Variants in PCNA observed in about 807,000 individuals in gnomAD.
The protein encoded by PCNA is proliferating cell nuclear antigen.
A neutral mutation model predicts 27.8 loss-of-function variants in PCNA; 4 were observed. The ratio of observed to expected loss-of-function variants is 0.14; its 90% CI spans 0.07 to 0.33. The LOEUF (loss-of-function observed/expected upper bound fraction) is 0.33. Among genes scored for constraint, PCNA ranks in the 10% least tolerant of loss-of-function variants. PCNA has a pLI of 1.00. For synonymous variants in PCNA, 121 were observed against 119.4 expected (o/e 1.01, Z -0.09); for missense variants, 165 against 327.4 (o/e 0.50, Z 3.83).
upstream of PCNA, chr20:5,121,681 T>C (rs916969514): frequency 2.0e-5 from 3 of 152,170 alleles, no homozygotes; most frequent in South Asian, 2.1e-4. Flanking sequence ...CAGGCTGGAG[T>C]GCAGTGGCAA....
Position 5,119,773 on chromosome 20 carries a change from C to G in PCNA, c.26G>C (p.Gly9Ala). 1 of 1,576,450 alleles carries G rather than the reference C, an allele frequency of 6.3e-7. No individual in the cohort carries two copies. The highest frequency in any genetic ancestry group is 2.1e-4 in the Middle Eastern group (1 of 4,694). ...CTCCAACACCTTCTTGAGGATGGAG[C>G]CCTGGACCAGGCGCGCCTCGAACAT... Reference protein sequence around the residue: MFEARLVQGSILKKVLEAL... With the variant: MFEARLVQASILKKVLEAL... The change falls in exon 1 of 6, where the codon GGC (glycine) becomes GCC (alanine). Residue 9 changes from glycine (G) to alanine (A), a missense_variant. Coordinates refer to ENST00000379143, the MANE Select transcript of PCNA (RefSeq NM_182649.2).
upstream of PCNA, among the ~76,000 whole-genome samples, chr20:5,122,965 C>T (rs932146462): frequency 1.3e-5 from 2 of 152,106 alleles, no homozygotes; most frequent in Non-Finnish European, 2.9e-5. Context: ...TTATGTTAAA[C>T]TGAAATGAGG....
Position 5,119,563 on chromosome 20 carries a change from G to C in PCNA, c.221+15C>G, listed in dbSNP as rs17347. On this transcript the variant is annotated intron_variant, in intron 1 of 5. Coordinates refer to ENST00000379143, the MANE Select transcript of PCNA (RefSeq NM_182649.2). Reference sequence around the variant, plus strand: ...AGGCGGGCCGGGGCCGGCTTCCCGGGGCCGCGAGGCTCACCTGGTGAGGTT... The same window carrying C: ...AGGCGGGCCGGGGCCGGCTTCCCGGCGCCGCGAGGCTCACCTGGTGAGGTT... 0.11 allele frequency: 178,908 copies of C among 1,601,588 alleles called. 12,247 individuals carry two copies. Among genetic ancestry groups the C allele is most frequent in the African/African-American group, 0.31 (23,247 of 74,756 alleles).
upstream of PCNA, among the ~76,000 whole-genome samples, chr20:5,122,237 C>A (rs532367905): frequency 6.6e-6 from 1 of 152,174 alleles, no homozygotes; most frequent in Non-Finnish European, 1.5e-5. Flanking sequence ...CTGCCTTGGC[C>A]TCCCAAAGTG....
upstream of PCNA, among the ~76,000 whole-genome samples, chr20:5,122,099 A>G (rs1219983128): frequency 2.0e-5 from 3 of 150,912 alleles, no homozygotes; most frequent in African/African-American, 4.9e-5. Context: ...CTCATGCCTC[A>G]GCCTCCTGAA....
Position 5,117,504 on chromosome 20 carries a change from G to A in PCNA, c.548C>T (p.Ser183Leu). 6.2e-7 allele frequency: 1 copy of A among 1,613,502 alleles called. No homozygotes were observed. Among genetic ancestry groups the A allele is most frequent in the South Asian group, 1.1e-5 (1 of 90,958 alleles). The change falls in exon 4 of 6, where the codon TCA (serine) becomes TTA (leucine). Residue 183 changes from serine (S) to leucine (L), a missense_variant. Coordinates refer to ENST00000379143, the MANE Select transcript of PCNA (RefSeq NM_182649.2). ...GELGNGNIKL[S>L]QTSNVDKEEE... ...CTCTTTATCGACATTACTTGTCTGTGACAATTTAATGTTTCCATTTCCAAG... is the reference window on the plus strand; with the variant it reads ...CTCTTTATCGACATTACTTGTCTGTAACAATTTAATGTTTCCATTTCCAAG...
In PCNA at chr20:5,115,033, T is replaced by A. The variant is rs2090465486; in HGVS notation, c.*250A>T. The A allele has an allele frequency of 1.1e-5, 4 of 355,016 alleles. No individual in the cohort carries two copies. The highest frequency in any genetic ancestry group is 1.1e-4 in the South Asian group (3 of 26,864). 22.0% of individuals were successfully genotyped at this position (355,016 alleles called of 1,614,324 possible). ...CATTTAGAGTCAAGACCCTTTTGTATTATAAAAATCACAAGTATTTCTAAG... is the reference window on the plus strand; with the variant it reads ...CATTTAGAGTCAAGACCCTTTTGTAATATAAAAATCACAAGTATTTCTAAG... On this transcript the variant is annotated 3_prime_UTR_variant, in exon 6 of 6. Coordinates refer to ENST00000379143, the MANE Select transcript of PCNA (RefSeq NM_182649.2).
chr20:5,120,436 C>A (rs2090511331), upstream of PCNA, among the ~76,000 whole-genome samples: 1 of 152,218 alleles, frequency 6.6e-6, no homozygotes, highest in African/African-American at 2.4e-5. Flanking sequence ...GTGAATTGTT[C>A]TGTTAAACTT....
upstream of PCNA, among the ~76,000 whole-genome samples, chr20:5,120,995 T>G (rs999836045): frequency 2.0e-5 from 3 of 151,482 alleles, no homozygotes; most frequent in African/African-American, 7.3e-5. Context: ...TTATTATTAT[T>G]TTTTTTTAGT....
At chr20:5,116,600 G>GT (rs1289778237) in intron 4 of PCNA, among the ~76,000 whole-genome samples, 24 of 152,302 alleles carry the variant, frequency 1.6e-4, no homozygotes, top group African/African-American at 5.8e-4. Context: ...AGGTTATGAG[G>GT]TTAGGACCTT....
At chr20:5,120,696 T>G (rs113284115), upstream of PCNA, among the ~76,000 whole-genome samples, 41 of 152,336 alleles carry the variant, frequency 2.7e-4, 1 homozygote, top group Middle Eastern at 3.4e-3. Flanking sequence ...TTTATCAATC[T>G]CCTGTTGTTT....
At chr20:5,121,386 C>CTTTTTTTTT (rs10712798), upstream of PCNA, 33 of 97,170 alleles carry the variant, frequency 3.4e-4, no homozygotes, top group East Asian at 1.1e-3. Flanking sequence ...CCTTTCTTTC[C>CTTTTTTTTT]TTTTTTTTTT....
upstream of PCNA, among the ~76,000 whole-genome samples, chr20:5,122,692 G>C (rs1299064407): frequency 6.6e-6 from 1 of 152,194 alleles, no homozygotes; most frequent in Non-Finnish European, 1.5e-5. Context: ...TGTGGAATGT[G>C]TTCCTTCCTC....
At position 5,119,743 on chromosome 20, in the gene PCNA, A is replaced by G; in HGVS notation, c.56T>C (p.Leu19Pro). Reference sequence around the variant, plus strand: ...GCAGGCCTCGTTGATGAGGTCCTTGAGTGCCTCCAACACCTTCTTGAGGAT... The same window carrying G: ...GCAGGCCTCGTTGATGAGGTCCTTGGGTGCCTCCAACACCTTCTTGAGGAT... The part of the protein sequence containing the change: ...GSILKKVLEA[L>P]KDLINEACWD... Residue 19 changes from leucine to proline, a missense_variant, in exon 1 of 6, where the codon CTC (leucine) becomes CCC (proline). Coordinates refer to ENST00000379143, the MANE Select transcript of PCNA (RefSeq NM_182649.2). 2 of 1,590,294 alleles carry G rather than the reference A, an allele frequency of 1.3e-6. No homozygotes were observed. Among genetic ancestry groups the G allele is most frequent in the Non-Finnish European group, 1.7e-6 (2 of 1,168,420 alleles).
chr20:5,115,441 T>C lies in PCNA; in HGVS notation c.706+8A>G, dbSNP rs2090468326. 6.2e-7 allele frequency: 1 copy of C among 1,613,922 alleles called. No homozygotes were observed. The highest frequency in any genetic ancestry group is 1.3e-5 in the African/African-American group (1 of 74,940). Reference sequence around the variant, plus strand: ...CCTACAAAACAAGGTTCAAATTTATTATCTTACCAAGGGGTACATCTGCAG... The same window carrying C: ...CCTACAAAACAAGGTTCAAATTTATCATCTTACCAAGGGGTACATCTGCAG... On this transcript the variant is annotated splice_region_variant and intron_variant, in intron 5 of 5. Transcript: ENST00000379143.
At chr20:5,123,915 G>A (rs1455832252), upstream of PCNA, among the ~76,000 whole-genome samples, 2 of 152,120 alleles carry the variant, frequency 1.3e-5, no homozygotes, top group African/African-American at 2.4e-5. Context: ...ATATTGGTTA[G>A]TATAGTTTAG....
upstream of PCNA, among the ~76,000 whole-genome samples, chr20:5,124,733 G>C (rs2090535626): frequency 6.6e-6 from 1 of 152,132 alleles, no homozygotes; most frequent in Non-Finnish European, 1.5e-5. Context: ...ACTTCCACCA[G>C]ACCCCTGTTC....
At chr20:5,123,748 G>GAATTCA (rs1459995034), upstream of PCNA, among the ~76,000 whole-genome samples, 1 of 148,478 alleles carries the variant, frequency 6.7e-6, no homozygotes, top group Non-Finnish European at 1.5e-5. Context: ...TCTAGATAAA[G>GAATTCA]AATTCAAATT....
chr20:5,115,663 T>C (rs1455340818), intron 4 of PCNA, 91 bp from the exon 5 acceptor site: 2 of 1,093,256 alleles, frequency 1.8e-6, no homozygotes, highest in Admixed American at 2.3e-5. Flanking sequence ...CAAACACTTG[T>C]ATTGGTCACT....
Sources: gnomAD v4.1 joint callset for allele counts (sites outside exome capture counted in the v4.1 genomes callset) on GRCh38, gnomAD v4.1.1 for gene constraint, MANE v1.5 for transcripts, NCBI Gene and HGNC (gene_info 2026-07-23, HGNC 2026-07-21) for gene names.